Variants in NDUFAF7 observed in about 807,000 individuals in gnomAD.
NDUFAF7 encodes protein arginine methyltransferase NDUFAF7, mitochondrial.
Under a neutral mutation model 47.2 loss-of-function variants are expected in NDUFAF7, and 48 were observed. The ratio of observed to expected loss-of-function variants is 1.02; its 90% CI spans 0.81 to 1.29. The LOEUF is 1.29. Ranked by LOEUF, NDUFAF7 falls within the 50% of genes most tolerant of loss-of-function variation. The pLI is 0.00. For synonymous variants in NDUFAF7, 217 were observed against 190.0 expected (o/e 1.14, Z -1.17); for missense variants, 635 against 537.6 (o/e 1.18, Z -1.79).
chr2:37,236,757 G>T (rs544219129), intron 3 of NDUFAF7, among the ~76,000 whole-genome samples: 1 of 150,240 alleles, frequency 6.7e-6, no homozygotes, highest in East Asian at 2.0e-4. Flanking sequence ...CTCCAGCCTC[G>T]GCGACTGAGC....
chr2:37,253,014 C>T, downstream of NDUFAF7: 1 of 593,576 alleles, frequency 1.7e-6, no homozygotes, highest in Non-Finnish European at 2.6e-6. Flanking sequence ...AGTTTCCCGC[C>T]TGTACCTACT....
At chr2:37,255,746 C>T (rs138209732), downstream of NDUFAF7, among the ~76,000 whole-genome samples, 424 of 152,318 alleles carry the variant, frequency 2.8e-3, 2 homozygotes, top group African/African-American at 9.8e-3. Context: ...TGGCTCATGC[C>T]TGTAATCCCA....
rs542872216 is a variant in NDUFAF7 at position 37,248,982 on chromosome 2, A to G, written c.*632A>G. 6.5e-6 allele frequency: 1 copy of G among 153,836 alleles called. No individual in the cohort carries two copies. The highest frequency in any genetic ancestry group is 1.9e-4 in the East Asian group (1 of 5,222). 9.5% of individuals were successfully genotyped at this position (153,836 alleles called of 1,614,324 possible). A position where few individuals can be genotyped will look rare whatever the true frequency, so the allele number is the denominator to read the frequency against. On this transcript the variant is annotated 3_prime_UTR_variant, in exon 10 of 10. Transcript: ENST00000002125. ...TGGGAAACAGACTAAATGGCTATTC[A>G]CAGGAAACTGATAAGATATATGTTA...
At chr2:37,265,525 G>C in the NDUFAF7 span, among the ~76,000 whole-genome samples, 1 of 151,780 alleles carries the variant, frequency 6.6e-6, no homozygotes, top group African/African-American at 2.4e-5. Context: ...ACACAGAGTG[G>C]GTCAGTCCAA....
intron 1 of NDUFAF7, 87 bp from the exon 2 acceptor site, chr2:37,232,019 C>T (rs953025828): frequency 1.9e-6 from 3 of 1,608,980 alleles, no homozygotes; most frequent in East Asian, 2.2e-5. Flanking sequence ...TAAGGGTTCA[C>T]GAAGCTGTTT....
At chr2:37,235,828 TG>T (rs1333820102) in intron 2 of NDUFAF7, among the ~76,000 whole-genome samples, 1 of 151,964 alleles carries the variant, frequency 6.6e-6, no homozygotes, top group Non-Finnish European at 1.5e-5. Flanking sequence ...CTAATTTTTT[TG>T]TATTGTTTTT....
the NDUFAF7 span, among the ~76,000 whole-genome samples, chr2:37,261,850 G>T: frequency 6.6e-6 from 1 of 152,000 alleles, no homozygotes; most frequent in Non-Finnish European, 1.5e-5. Flanking sequence ...ACTGTAGAAT[G>T]GTACAAAAGT....
At chr2:37,247,192 T>G (rs1321023656) in intron 8 of NDUFAF7, 1 of 489,506 alleles carries the variant, frequency 2.0e-6, no homozygotes, top group Non-Finnish European at 3.8e-6. Context: ...CCTCCAGCTA[T>G]GTCTACGTTG....
intron 3 of NDUFAF7, among the ~76,000 whole-genome samples, chr2:37,236,587 T>G (rs1665788437): frequency 6.6e-6 from 1 of 151,706 alleles, no homozygotes. Flanking sequence ...CCGTCCTGGC[T>G]AACACGGTGA....
chr2:37,263,566 A>AT, the NDUFAF7 span, among the ~76,000 whole-genome samples: 1 of 152,008 alleles, frequency 6.6e-6, no homozygotes, highest in Non-Finnish European at 1.5e-5. Flanking sequence ...TTATGGTGTT[A>AT]TTTGGTGTAG....
chr2:37,247,659 A>G (rs1036447483), intron 9 of NDUFAF7, 30 bp downstream of exon 9: 2 of 1,610,656 alleles, frequency 1.2e-6, no homozygotes, highest in Non-Finnish European at 1.7e-6. Flanking sequence ...ACTGTTATTA[A>G]GTACTTTCAT....
At chr2:37,255,220 A>C (rs1009042689), downstream of NDUFAF7, among the ~76,000 whole-genome samples, 3 of 152,242 alleles carry the variant, frequency 2.0e-5, no homozygotes, top group Admixed American at 1.3e-4. Flanking sequence ...TTACCAAGCA[A>C]ACCTGCTACT....
intron 8 of NDUFAF7, 79 bp downstream of exon 8, chr2:37,246,274 A>C (rs565866086): frequency 6.8e-7 from 1 of 1,472,960 alleles, no homozygotes; most frequent in East Asian, 2.3e-5. Context: ...TGATTTCTAC[A>C]GTGCCTGGTA....
intron 3 of NDUFAF7, among the ~76,000 whole-genome samples, chr2:37,236,625 C>A (rs1665798512): frequency 6.6e-6 from 1 of 151,492 alleles, no homozygotes; most frequent in Non-Finnish European, 1.5e-5. Flanking sequence ...AAAAAAAATA[C>A]AAAAAATTAG....
the NDUFAF7 span, among the ~76,000 whole-genome samples, chr2:37,261,361 T>C: frequency 1.3e-5 from 2 of 152,046 alleles, no homozygotes; most frequent in Admixed American, 6.6e-5. Context: ...GTGACAGGTA[T>C]CTGTAAACCC....
chr2:37,241,124 T>G (rs569919997), intron 4 of NDUFAF7, among the ~76,000 whole-genome samples: 2 of 152,288 alleles, frequency 1.3e-5, no homozygotes, highest in Non-Finnish European at 2.9e-5. Flanking sequence ...ATTGAAAATG[T>G]GGCAGACCCC....
chr2:37,242,023 G>A, intron 5 of NDUFAF7: 1 of 570,626 alleles, frequency 1.8e-6, no homozygotes, highest in Non-Finnish European at 3.1e-6. Flanking sequence ...CAAACAAAAT[G>A]TAAATCTCCT....
downstream of NDUFAF7, among the ~76,000 whole-genome samples, chr2:37,257,486 A>G (rs985215177): frequency 6.6e-6 from 1 of 152,142 alleles, no homozygotes; most frequent in East Asian, 1.9e-4. Flanking sequence ...TAATGCGGTG[A>G]AACCCCGTCT....
the NDUFAF7 span, chr2:37,267,695 A>G: frequency 1.7e-6 from 1 of 591,914 alleles, no homozygotes; most frequent in Non-Finnish European, 2.9e-6. Context: ...AATTTAGGAA[A>G]AAATTGTTTT....
Sources: gnomAD v4.1 joint callset for allele counts (sites outside exome capture counted in the v4.1 genomes callset) on GRCh38, gnomAD v4.1.1 for gene constraint, MANE v1.5 for transcripts, NCBI Gene and HGNC (gene_info 2026-07-23, HGNC 2026-07-21) for gene names.